The following AFF3 variants were observed in gnomAD, a reference collection of about 807,000 sequenced individuals.
AFF3 encodes AF4/FMR2 family member 3.
A neutral mutation model predicts 129.7 loss-of-function variants in AFF3; 32 were observed. The observed-to-expected ratio is 0.25, with a 90% confidence interval of 0.19 to 0.33. The LOEUF is 0.33. AFF3 is among the 10% of genes least tolerant of loss of function. The pLI, the probability that AFF3 is intolerant of heterozygous loss-of-function variation, is 1.00. For missense variants in AFF3, 1,373 were observed against 1,592.0 expected, an observed-to-expected ratio of 0.86 and a Z score of 2.34; for synonymous variants, 644 against 635.4, an observed-to-expected ratio of 1.01 and a Z score of -0.20.
At chr2:99,677,798 C>T (rs1276634123) in intron 11 of AFF3, among the ~76,000 whole-genome samples, 3 of 152,138 alleles carry the variant, frequency 2.0e-5, no homozygotes, top group Non-Finnish European at 4.4e-5. Context: ...CCAGCGGAAC[C>T]AGTATCCAAA....
chr2:99,695,400 T>C (rs912335907), intron 11 of AFF3, among the ~76,000 whole-genome samples: 5 of 152,220 alleles, frequency 3.3e-5, no homozygotes, highest in African/African-American at 9.6e-5. Flanking sequence ...ATTCATTTAA[T>C]TCATTAGCTT....
At chr2:99,875,640 G>C (rs1032549326) in intron 7 of AFF3, among the ~76,000 whole-genome samples, 2 of 152,138 alleles carry the variant, frequency 1.3e-5, no homozygotes, top group Non-Finnish European at 2.9e-5. Flanking sequence ...CAGGGGTACC[G>C]GGCATGGCAA....
chr2:99,744,061 C>A, intron 10 of AFF3, 43 bp downstream of exon 10: 1 of 1,564,776 alleles, frequency 6.4e-7, no homozygotes, highest in Non-Finnish European at 8.8e-7. Context: ...CTGCCCCCAC[C>A]CCCTGCTCCC....
intron 13 of AFF3, among the ~76,000 whole-genome samples, chr2:99,609,157 AC>A (rs1484680021): frequency 6.6e-6 from 1 of 152,192 alleles, no homozygotes; most frequent in Admixed American, 6.5e-5. Context: ...TACTCCATAG[AC>A]AGAGCAGTTA....
At chr2:99,625,178 T>G (rs912869194) in intron 13 of AFF3, among the ~76,000 whole-genome samples, 1 of 152,246 alleles carries the variant, frequency 6.6e-6, no homozygotes, top group Non-Finnish European at 1.5e-5. Flanking sequence ...CATTTTCTTA[T>G]GCAATTTCCA....
At chr2:99,812,633 T>G (rs1367515000) in intron 8 of AFF3, among the ~76,000 whole-genome samples, 1 of 152,230 alleles carries the variant, frequency 6.6e-6, no homozygotes, top group Non-Finnish European at 1.5e-5. Context: ...CTTAATTGTC[T>G]AACGCAATTC....
intron 18 of AFF3, among the ~76,000 whole-genome samples, chr2:99,573,713 G>A (rs985071143): frequency 1.1e-4 from 17 of 152,170 alleles, no homozygotes; most frequent in Non-Finnish European, 8.8e-5. Flanking sequence ...AGCGCCTGGC[G>A]TCTATAGTCA....
intron 4 of AFF3, among the ~76,000 whole-genome samples, chr2:100,011,902 T>A (rs1003959565): frequency 6.6e-6 from 1 of 152,192 alleles, no homozygotes; most frequent in African/African-American, 2.4e-5. Flanking sequence ...TGTCCTACTC[T>A]GAAAATGTTG....
chr2:99,833,331 G>A (rs1688641409), intron 8 of AFF3, among the ~76,000 whole-genome samples: 1 of 152,146 alleles, frequency 6.6e-6, no homozygotes, highest in Admixed American at 6.5e-5. Flanking sequence ...CAGGAAACTG[G>A]CTGAGGTCTC....
intron 8 of AFF3, among the ~76,000 whole-genome samples, chr2:99,809,149 T>A (rs749294372): frequency 2.6e-5 from 4 of 152,148 alleles, no homozygotes; most frequent in Non-Finnish European, 5.9e-5. Context: ...CTTTAAAAAA[T>A]TTTCTTTAGA....
At chr2:99,745,703 T>C (rs1038632036) in intron 9 of AFF3, among the ~76,000 whole-genome samples, 8 of 152,226 alleles carry the variant, frequency 5.3e-5, no homozygotes, top group Non-Finnish European at 1.0e-4. Context: ...AAGATTAGTA[T>C]GGTATCTACT....
chr2:99,773,446 TTATTAC>T lies in AFF3; in HGVS notation c.922-21151_922-21146del, dbSNP rs532834900. ...GCTGTCATCTAGGCAGGTGAGTCTT[TTATTAC>T]TAAAATGCTTGGAGTGCTCAAACGT... On this transcript the variant is annotated intron_variant, in intron 8 of 24. Transcript: ENST00000672756. 4.3e-3 allele frequency among the ~76,000 whole-genome samples: 651 copies of T among 152,306 alleles called. 3 individuals are homozygous for T. The highest frequency in any genetic ancestry group is 0.015 in the African/African-American group (618 of 41,570).
intron 8 of AFF3, among the ~76,000 whole-genome samples, chr2:99,759,447 CTT>C (rs1682398536): frequency 6.6e-6 from 1 of 152,208 alleles, no homozygotes; most frequent in Non-Finnish European, 1.5e-5. Context: ...GGGATATTTA[CTT>C]ATCTTTGTGG....
chr2:99,978,208 A>G (rs1386237877), intron 7 of AFF3, among the ~76,000 whole-genome samples: 2 of 152,220 alleles, frequency 1.3e-5, no homozygotes, highest in Non-Finnish European at 2.9e-5. Context: ...AACATGCTTT[A>G]TAAGTTAAGA....
intron 12 of AFF3, among the ~76,000 whole-genome samples, chr2:99,659,808 T>C (rs2104288179): frequency 6.6e-6 from 1 of 152,190 alleles, no homozygotes; most frequent in Admixed American, 6.5e-5. Flanking sequence ...GCTTGGACAA[T>C]GGATCAAGTT....
chr2:99,694,043 G>A lies in AFF3; in HGVS notation c.1092-21454C>T, dbSNP rs961451334. Among the ~76,000 whole-genome samples the A allele has an allele frequency of 9.2e-5, 14 of 151,730 alleles. No homozygotes were observed. The East Asian group carries it at 1.2e-3, about 13-fold the overall frequency. On this transcript the variant is annotated intron_variant, in intron 11 of 24. Coordinates refer to ENST00000672756, the MANE Select transcript of AFF3 (RefSeq NM_001386135.1). ...AGTGATCCTCCTGCCTCAGCCTCCC[G>A]AGTAGCTGGGATTACAGGCATGCAC... is the stretch of plus-strand genomic sequence containing the variant.
intron 4 of AFF3, among the ~76,000 whole-genome samples, chr2:100,009,774 G>A (rs1335266725): frequency 6.6e-6 from 1 of 152,192 alleles, no homozygotes; most frequent in Non-Finnish European, 1.5e-5. Context: ...ATGAGGAAGT[G>A]ACCTGTTTAC....
At chr2:99,664,064 AC>A (rs1449267265) in intron 12 of AFF3, among the ~76,000 whole-genome samples, 8 of 152,316 alleles carry the variant, frequency 5.3e-5, no homozygotes, top group African/African-American at 1.9e-4. Context: ...TTTAATACTT[AC>A]TGTCTTAAGT....
At chr2:99,596,076 C>G (rs950505580) in intron 14 of AFF3, among the ~76,000 whole-genome samples, 2 of 152,362 alleles carry the variant, frequency 1.3e-5, no homozygotes, top group Middle Eastern at 3.4e-3. Context: ...GGCCCCGACA[C>G]AGATTCTGGT....
Sources: gnomAD v4.1 joint callset for allele counts (sites outside exome capture counted in the v4.1 genomes callset) on GRCh38, gnomAD v4.1.1 for gene constraint, MANE v1.5 for transcripts, NCBI Gene and HGNC (gene_info 2026-07-23, HGNC 2026-07-21) for gene names.